Variants in ZNF668 observed in about 807,000 individuals in gnomAD.
ZNF668 encodes zinc finger protein 668.
ZNF668 carries 10 observed loss-of-function variants against 40.3 expected under a neutral mutation model. The observed-to-expected ratio is 0.25, with a 90% CI of 0.15 to 0.42. ZNF668 has a LOEUF of 0.42. Among genes scored for constraint, ZNF668 ranks in the 10% least tolerant of loss-of-function variants. The pLI, the probability that ZNF668 is intolerant of heterozygous loss-of-function variation, is 1.00. For synonymous variants in ZNF668, 428 were observed against 384.6 expected, an observed-to-expected ratio of 1.11 and a Z score of -1.32; for missense variants, 749 against 904.6, an observed-to-expected ratio of 0.83 and a Z score of 2.21.
rs906879708 is a variant in ZNF668 at position 31,061,390 on chromosome 16, G to T, written c.1538C>A (p.Pro513His). Residue 513 changes from proline to histidine, a missense_variant, in exon 3 of 3, where the codon CCC becomes CAC. Transcript: ENST00000300849. The surrounding 1 kb of genome is among the most constrained non-coding windows in gnomAD (Gnocchi z 7.7). The stretch of plus-strand genomic sequence containing the variant: ...GCACTCTCGGCACACAAACTGGGGG[G>T]GCTTCTCGTCAGCCTCCTCACCCCC... ...EAGGEEADEK[P>H]PQFVCRECKE... 6.8e-6 allele frequency: 11 copies of T among 1,613,738 alleles called. No individual in the cohort carries two copies. The highest frequency in any genetic ancestry group is 1.7e-5 in the Admixed American group (1 of 60,008).
intron 1 of ZNF668, 191 bp downstream of exon 1, chr16:31,073,468 A>G (rs2057034675): frequency 6.6e-6 from 1 of 152,124 alleles, no homozygotes; most frequent in Admixed American, 6.5e-5. Flanking sequence ...CCGCGGAGAC[A>G]GCCGGCGGGT....
At chr16:31,066,174 A>G in intron 1 of ZNF668, 2 of 985,338 alleles carry the variant, frequency 2.0e-6, no homozygotes, top group East Asian at 2.3e-4. Context: ...TCTTCTCCCA[A>G]AAGTAATGAA....
At chr16:31,073,302 C>T (rs2057031755) in intron 1 of ZNF668, 1 of 152,498 alleles carries the variant, frequency 6.6e-6, no homozygotes, top group Admixed American at 6.5e-5. Context: ...GGCCGGGCCT[C>T]AGCAGGGGAG....
chr16:31,061,112 G>A lies in ZNF668; in HGVS notation c.1816C>T (p.Pro606Ser). The A allele has an allele frequency of 6.6e-7, 1 of 1,504,480 alleles. No homozygotes were observed. The highest frequency in any genetic ancestry group is 1.4e-5 in the South Asian group (1 of 72,986). 93.2% of individuals were successfully genotyped at this position (1,504,480 alleles called of 1,614,324 possible). ...GGCATTCCTAGCAAAGCCACCAGGG[G>A]CTCCAGGGGTGTGGGGGTCCCCATG... ...VPMGTPTPLE[P>S]LVALLGMPEE... Residue 606 changes from proline to serine, a missense_variant, in exon 3 of 3, where the codon CCC becomes TCC. Physicochemically the swap from Pro to Ser is moderately conservative, Grantham distance 74 (BLOSUM62 -1). Coordinates refer to ENST00000300849, the MANE Select transcript of ZNF668 (RefSeq NM_024706.5). The surrounding 1 kb of genome is among the most constrained non-coding windows in gnomAD (Gnocchi z 7.7).
Position 31,061,629 on chromosome 16 carries a change from C to T in ZNF668, c.1299G>A (p.Ala433=), listed in dbSNP as rs781220516. 1.4e-5 allele frequency: 23 copies of T among 1,611,262 alleles called. No homozygotes were observed. The highest frequency in any genetic ancestry group is 1.8e-5 in the Non-Finnish European group (21 of 1,179,900). Residue 433 remains alanine (A), a synonymous_variant, in exon 3 of 3, where the codon GCG becomes GCA. Transcript: ENST00000300849. This position sits in a 1 kb window ranked among gnomAD's most constrained non-coding sequence, Gnocchi z 7.7. ...PPAQELVVGL[A]LPVGVAGESS... ...TCTCACCTGCCACGCCCACAGGCAGCGCCAACCCCACCACCAGCTCCTGTG... is the reference window on the plus strand; with the variant it reads ...TCTCACCTGCCACGCCCACAGGCAGTGCCAACCCCACCACCAGCTCCTGTG...
rs1333722060 is a variant in ZNF668, at chr16:31,061,582, C to T, written c.1346G>A (p.Gly449Glu). 6.2e-7 allele frequency: 1 copy of T among 1,609,200 alleles called. No homozygotes were observed. The change falls in exon 3 of 3, where the codon GGG becomes GAG. Residue 449 changes from glycine (G) to glutamate (E), a missense_variant. Coordinates refer to ENST00000300849, the MANE Select transcript of ZNF668 (RefSeq NM_024706.5). The surrounding 1 kb of genome is among the most constrained non-coding windows in gnomAD (Gnocchi z 7.7). ...AGESSAAPAA[G>E]AGLGDPPAGL... Reference sequence around the variant, plus strand: ...TGCTGGAGGGTCCCCCAGCCCCGCCCCTGCTGCCGGGGCGGCTGAACTCTC... The same window carrying T: ...TGCTGGAGGGTCCCCCAGCCCCGCCTCTGCTGCCGGGGCGGCTGAACTCTC...
intron 1 of ZNF668, among the ~76,000 whole-genome samples, chr16:31,071,270 G>A (rs1333069915): frequency 2.0e-5 from 3 of 151,936 alleles, no homozygotes; most frequent in Non-Finnish European, 4.4e-5. Flanking sequence ...GGATTCAAGT[G>A]ATTCTCCAGC....
chr16:31,068,852 C>T (rs2143774649), intron 1 of ZNF668: 1 of 152,316 alleles, frequency 6.6e-6, no homozygotes, highest in South Asian at 2.1e-4. Context: ...TCAAGTGATC[C>T]TCCCACCGCA....
chr16:31,069,110 A>T (rs1206117361), intron 1 of ZNF668: 6 of 152,278 alleles, frequency 3.9e-5, no homozygotes, highest in Admixed American at 3.9e-4. Flanking sequence ...AGGTTGAATC[A>T]TGAGACTTCC....
In ZNF668 at chr16:31,063,802, G is replaced by A. The variant is rs779593857; in HGVS notation, c.647+11C>T. The A allele has an allele frequency of 7.8e-6, 12 of 1,548,314 alleles. No homozygotes were observed. Among genetic ancestry groups the A allele is most frequent in the Admixed American group, 1.9e-5 (1 of 53,710 alleles). ...CCCCGGAAGGCGCCCTGCCCCGGAA[G>A]GCACCCTCACCGCTCATGGTTGCGG... On this transcript the variant is annotated intron_variant, in intron 2 of 2. Transcript: ENST00000300849.
chr16:31,067,785 G>C (rs1371127354), intron 1 of ZNF668, among the ~76,000 whole-genome samples: 1 of 152,172 alleles, frequency 6.6e-6, no homozygotes, highest in Non-Finnish European at 1.5e-5. Flanking sequence ...AACCTAAGCA[G>C]CTGGGACTTC....
At position 31,061,012 on chromosome 16, in the gene ZNF668, G is replaced by T; in HGVS notation, c.*56C>A. 7.0e-7 allele frequency: 1 copy of T among 1,424,282 alleles called. No homozygotes were observed. Among genetic ancestry groups the T allele is most frequent in the Admixed American group, 2.7e-5 (1 of 36,926 alleles). The allele number at this position is 1,424,282 out of a possible 1,614,324, so 88.2% of individuals were successfully genotyped here. On this transcript the variant is annotated 3_prime_UTR_variant, in exon 3 of 3. Coordinates refer to ENST00000300849, the MANE Select transcript of ZNF668 (RefSeq NM_024706.5). This position sits in a 1 kb window ranked among gnomAD's most constrained non-coding sequence, Gnocchi z 7.7. ...GCAGAGCCAGGCAAAAGGAGGTACAGGAAGCCCCCGATGGGGGCTGGGCTC... is the reference window on the plus strand; with the variant it reads ...GCAGAGCCAGGCAAAAGGAGGTACATGAAGCCCCCGATGGGGGCTGGGCTC...
chr16:31,060,981 TAA>T lies in ZNF668; in HGVS notation c.*85_*86del. On this transcript the variant is annotated 3_prime_UTR_variant, in exon 3 of 3. Coordinates refer to ENST00000300849, the MANE Select transcript of ZNF668 (RefSeq NM_024706.5). ...TGCTGAGGGGTAGGGATCTGGAGTCTAAAGAGCAGAGCCAGGCAAAAGGAGGT... is the reference window on the plus strand; with the variant it reads ...TGCTGAGGGGTAGGGATCTGGAGTCTAGAGCAGAGCCAGGCAAAAGGAGGT... 7.3e-7 allele frequency: 1 copy of T among 1,375,114 alleles called. No individual in the cohort carries two copies. Among genetic ancestry groups the T allele is most frequent in the Non-Finnish European group, 9.5e-7 (1 of 1,055,860 alleles). 85.2% of individuals were successfully genotyped at this position (1,375,114 alleles called of 1,614,324 possible).
In ZNF668 at chr16:31,064,002, G is replaced by C. The variant is rs1567399531; in HGVS notation, c.458C>G (p.Ser153Cys). The change falls in exon 2 of 3, where the codon TCC becomes TGC. Residue 153 changes from serine (S) to cysteine (C), a missense_variant. Physicochemically the swap from Ser to Cys is moderately radical, Grantham distance 112. Around this residue, in one of 4 missense-constraint regions of ZNF668, gnomAD observed 151 missense variants for 178.6 expected, o/e 0.85. Transcript: ENST00000300849. ...GCCACGCTGGTGGATCTTGAGCTTG[G>C]AGAGCGCGCCATAGGCCTTCGGGCA... ...AHCPKAYGAL[S>C]KLKIHQRGHT... 1.9e-6 allele frequency: 3 copies of C among 1,609,886 alleles called. No homozygotes were observed. Among genetic ancestry groups the C allele is most frequent in the Non-Finnish European group, 2.5e-6 (3 of 1,177,412 alleles).
rs915043641 is a variant in ZNF668 at position 31,063,908 on chromosome 16, G to A, written c.552C>T (p.Arg184=). The change falls in exon 2 of 3, where the codon CGC becomes CGT. Residue 184 remains arginine, a synonymous_variant. Transcript: ENST00000300849. ...GGCCAGCGTGAGTACGCCGGTGCTT[G>A]CGGAACACTGAAGGGTCAGCAAAGC... is the stretch of plus-strand genomic sequence containing the variant. ...GKSFADPSVF[R]KHRRTHAGLR... is the part of the protein sequence containing the mutation. 4.4e-6 allele frequency: 7 copies of A among 1,595,134 alleles called. No homozygotes were observed. The highest frequency in any genetic ancestry group is 6.0e-6 in the Non-Finnish European group (7 of 1,171,542).
At chr16:31,068,890 G>C (rs928411974) in intron 1 of ZNF668, 1 of 152,352 alleles carries the variant, frequency 6.6e-6, no homozygotes, top group Admixed American at 6.6e-5. Context: ...GATTACAGGC[G>C]TGAGCCACCG....
chr16:31,062,532 G>A (rs1199599742), intron 2 of ZNF668: 3 of 471,808 alleles, frequency 6.4e-6, no homozygotes, highest in Non-Finnish European at 7.5e-6. Context: ...TGTAATTCCA[G>A]CACTTTGGGA....
chr16:31,063,648 CA>C (rs1305011078), intron 2 of ZNF668, among the ~76,000 whole-genome samples, 164 bp downstream of exon 2: 2 of 152,208 alleles, frequency 1.3e-5, no homozygotes, highest in African/African-American at 4.8e-5. Context: ...TCTGCCCAAT[CA>C]GGGGCACCAA....
intron 2 of ZNF668, among the ~76,000 whole-genome samples, chr16:31,063,050 C>G (rs1370673211): frequency 7.0e-6 from 1 of 141,934 alleles, no homozygotes; most frequent in Non-Finnish European, 1.6e-5. Flanking sequence ...GCCGAGATCG[C>G]GCCATTGCAC....
Sources: gnomAD v4.1 joint callset for allele counts (sites outside exome capture counted in the v4.1 genomes callset) on GRCh38, gnomAD v4.1.1 for gene constraint, gnomAD v4.1.1 regional missense constraint, Gnocchi (gnomAD v3.1) non-coding constraint, MANE v1.5 for transcripts, NCBI Gene and HGNC (gene_info 2026-07-23, HGNC 2026-07-21) for gene names.